EIF4E3: variants seen among roughly 807,000 people sequenced by gnomAD.
The protein encoded by EIF4E3 is eukaryotic translation initiation factor 4E family member 3, also known as eukaryotic translation initiation factor 4E type 3.
EIF4E3 carries 26 observed loss-of-function variants against 31.7 expected under a neutral mutation model. The observed-to-expected ratio is 0.82, with a 90% CI of 0.60 to 1.14. The LOEUF is 1.14. Ranked by LOEUF, EIF4E3 falls within the 50% of genes most tolerant of loss-of-function variation. The pLI, the probability that EIF4E3 is intolerant of heterozygous loss-of-function variation, is 0.00. For synonymous variants in EIF4E3, 128 were observed against 107.7 expected (o/e 1.19, Z -1.17); for missense variants, 304 against 270.9 (o/e 1.12, Z -0.86).
downstream of EIF4E3, among the ~76,000 whole-genome samples, chr3:71,671,400 C>G (rs1419303605): frequency 6.6e-6 from 1 of 152,032 alleles, no homozygotes; most frequent in African/African-American, 2.4e-5. Context: ...GTGGGAGAGA[C>G]AGCATGGCAG....
chr3:71,676,233 C>T lies in EIF4E3; in HGVS notation c.*8449G>A, dbSNP rs2048874525. ...CCAACGTTCATAGTTAGAGAAGATT[C>T]TATATGTAAAATGATGTTTATCACC... On this transcript the variant is annotated 3_prime_UTR_variant, in exon 7 of 7. Coordinates refer to ENST00000425534, the MANE Select transcript of EIF4E3 (RefSeq NM_001134651.2). The T allele has an allele frequency of 6.6e-6, 1 of 152,148 alleles. No homozygotes were observed. Among genetic ancestry groups the T allele is most frequent in the Non-Finnish European group, 1.5e-5 (1 of 68,042 alleles). 9.4% of individuals were successfully genotyped at this position (152,148 alleles called of 1,614,324 possible).
chr3:71,696,357 AC>A (rs2049135593), intron 4 of EIF4E3, 102 bp downstream of exon 4: 5 of 1,233,906 alleles, frequency 4.1e-6, no homozygotes, highest in Non-Finnish European at 5.9e-6. Context: ...CTGTTTGGGG[AC>A]TGCCAGGTAA....
intron 2 of EIF4E3, among the ~76,000 whole-genome samples, chr3:71,700,688 G>A (rs1444945030): frequency 6.6e-6 from 1 of 152,024 alleles, no homozygotes; most frequent in African/African-American, 2.4e-5. Flanking sequence ...ATGGCTTGGG[G>A]GTTGTGGGAT....
chr3:71,686,193 T>A (rs1335036618), intron 6 of EIF4E3, among the ~76,000 whole-genome samples: 3 of 152,164 alleles, frequency 2.0e-5, no homozygotes, highest in African/African-American at 4.8e-5. Context: ...TTTTGCCATG[T>A]TGCCCAGGCT....
intron 1 of EIF4E3, among the ~76,000 whole-genome samples, chr3:71,748,186 G>A (rs955916430): frequency 2.1e-5 from 3 of 140,820 alleles, no homozygotes; most frequent in African/African-American, 7.9e-5. Context: ...GGTTTGAACT[G>A]CATGGGTTGG....
At chr3:71,723,978 T>C (rs1043589428) in intron 1 of EIF4E3, among the ~76,000 whole-genome samples, 3 of 151,902 alleles carry the variant, frequency 2.0e-5, no homozygotes, top group African/African-American at 7.3e-5. Context: ...AATGAGCTTG[T>C]CTTAACCAAA....
intron 1 of EIF4E3, among the ~76,000 whole-genome samples, chr3:71,750,838 A>T (rs2049920376): frequency 6.7e-6 from 1 of 149,874 alleles, no homozygotes; most frequent in Admixed American, 6.7e-5. Flanking sequence ...ATTTCGGCTC[A>T]CTGCAAGCTC....
downstream of EIF4E3, among the ~76,000 whole-genome samples, chr3:71,671,669 C>T (rs1359411972): frequency 2.0e-5 from 3 of 152,090 alleles, no homozygotes; most frequent in African/African-American, 7.2e-5. Flanking sequence ...GGCGGGGCGG[C>T]TGCGTGGAAG....
At chr3:71,747,491 G>C (rs751074662) in intron 1 of EIF4E3, among the ~76,000 whole-genome samples, 1 of 152,066 alleles carries the variant, frequency 6.6e-6, no homozygotes, top group Non-Finnish European at 1.5e-5. Context: ...TTTGAGTTAT[G>C]AGTTCTTTAT....
At chr3:71,698,413 G>A (rs1472395634) in intron 3 of EIF4E3, among the ~76,000 whole-genome samples, 1 of 152,148 alleles carries the variant, frequency 6.6e-6, no homozygotes, top group Non-Finnish European at 1.5e-5. Flanking sequence ...ATGTATCAAG[G>A]CCTCATAGGT....
chr3:71,754,384 TG>T, upstream of EIF4E3: 1 of 1,342,088 alleles, frequency 7.5e-7, no homozygotes, highest in Non-Finnish European at 9.6e-7. This position sits in a 1 kb window ranked among gnomAD's most constrained non-coding sequence, Gnocchi z 5.8. Context: ...GCCGCCTTCC[TG>T]CTGCTGGGCG....
intron 4 of EIF4E3, among the ~76,000 whole-genome samples, chr3:71,696,225 C>T (rs1357208363): frequency 6.6e-6 from 1 of 152,198 alleles, no homozygotes; most frequent in Non-Finnish European, 1.5e-5. Context: ...TTTACTCCTG[C>T]AGACTGCATG....
chr3:71,724,891 G>A (rs1018277214), intron 1 of EIF4E3, among the ~76,000 whole-genome samples: 1 of 152,166 alleles, frequency 6.6e-6, no homozygotes, highest in South Asian at 2.1e-4. Flanking sequence ...CCACGGCCCT[G>A]CCAGCACGCC....
chr3:71,692,286 G>A (rs1442473072), intron 5 of EIF4E3, among the ~76,000 whole-genome samples: 2 of 152,214 alleles, frequency 1.3e-5, no homozygotes, highest in Non-Finnish European at 2.9e-5. Flanking sequence ...TAGCTGACTT[G>A]CTTAAAGTGT....
Position 71,725,297 on chromosome 3 carries a change from G to A in EIF4E3, c.71C>T (p.Ala24Val). The A allele has an allele frequency of 1.0e-6, 1 of 995,576 alleles. No individual in the cohort carries two copies. The highest frequency in any genetic ancestry group is 1.2e-6 in the Non-Finnish European group (1 of 837,002). 61.7% of individuals were successfully genotyped at this position (995,576 alleles called of 1,614,324 possible). A position where few individuals can be genotyped will look rare whatever the true frequency, so the allele number is the denominator to read the frequency against. ...REPPGSRAAAAAAAPEPPLGL... is the reference protein window; with the variant it reads ...REPPGSRAAAVAAAPEPPLGL... ...GAGCGGCGGCTCGGGGGCGGCGGCAGCGGCGGCGGCGCGGGACCCCGGCGG... is the reference window on the plus strand; with the variant it reads ...GAGCGGCGGCTCGGGGGCGGCGGCAACGGCGGCGGCGCGGGACCCCGGCGG... The change falls in exon 1 of 7, where the codon GCT (alanine) becomes GTT (valine). Residue 24 changes from alanine to valine, a missense_variant. Coordinates refer to ENST00000425534, the MANE Select transcript of EIF4E3 (RefSeq NM_001134651.2). The surrounding 1 kb of genome is among the most constrained non-coding windows in gnomAD (Gnocchi z 6.1).
At chr3:71,685,022 T>C (rs529920909) in intron 6 of EIF4E3, among the ~76,000 whole-genome samples, 73 of 152,228 alleles carry the variant, frequency 4.8e-4, no homozygotes, top group Non-Finnish European at 6.9e-4. Context: ...GAAGAGAGTA[T>C]GTTGGGCTGC....
At chr3:71,730,934 G>C (rs1273483356) in intron 1 of EIF4E3, among the ~76,000 whole-genome samples, 1 of 152,062 alleles carries the variant, frequency 6.6e-6, no homozygotes, top group Non-Finnish European at 1.5e-5. Context: ...ATGTTGTTCA[G>C]GCTGGTCTTG....
At chr3:71,754,272 G>A (rs1405869251), upstream of EIF4E3, 2 of 1,207,092 alleles carry the variant, frequency 1.7e-6, no homozygotes, top group Non-Finnish European at 2.1e-6. The surrounding 1 kb of genome is among the most constrained non-coding windows in gnomAD (Gnocchi z 5.8). Context: ...CCTCCCGGCC[G>A]TCATGCTGGC....
At chr3:71,749,449 T>C (rs1233361721) in intron 1 of EIF4E3, among the ~76,000 whole-genome samples, 1 of 152,074 alleles carries the variant, frequency 6.6e-6, no homozygotes, top group Non-Finnish European at 1.5e-5. Flanking sequence ...TTTCTAAGAG[T>C]TGGGATGGAG....
Sources: allele counts gnomAD v4.1 joint callset (sites outside exome capture counted in the v4.1 genomes callset), GRCh38; gene constraint gnomAD v4.1.1; non-coding constraint Gnocchi (gnomAD v3.1); transcripts MANE v1.5; gene names NCBI Gene and HGNC (gene_info 2026-07-23, HGNC 2026-07-21).